ALG12: variants seen among roughly 807,000 people sequenced by gnomAD.
ALG12 encodes the protein ALG12 alpha-1,6-mannosyltransferase, also known as dol-P-Man:Man(7)GlcNAc(2)-PP-Dol alpha-1,6-mannosyltransferase.
Under a neutral mutation model 46.0 loss-of-function variants are expected in ALG12, and 36 were observed. That is an observed-to-expected ratio of 0.78 (90% CI 0.60 to 1.03). The LOEUF is 1.03. Among genes scored for constraint, ALG12 ranks in the 50% least tolerant of loss-of-function variants. ALG12 has a pLI of 0.00. For missense variants in ALG12, 599 were observed against 633.5 expected (o/e 0.95, Z 0.58); for synonymous variants, 326 against 291.6 (o/e 1.12, Z -1.20).
At position 49,903,948 on chromosome 22, in the gene ALG12, T is replaced by TGGCCAGGACCC; in HGVS notation, c.1346_1356dup (p.Ser453GlyfsTer12). The TGGCCAGGACCC allele has an allele frequency of 6.2e-7, 1 of 1,614,202 alleles. No individual in the cohort carries two copies. The highest frequency in any genetic ancestry group is 8.5e-7 in the Non-Finnish European group (1 of 1,180,008). ...CTCACACCTGTGGTCCCCACGACGC[T>TGGCCAGGACCC]GGCCAGGACCCGGTGTGTGTCCCTG... On this transcript the variant is annotated frameshift_variant, in exon 10 of 10. Transcript: ENST00000330817. LOFTEE classifies it low-confidence loss of function (END_TRUNC).
chr22:49,862,507 T>G, the ALG12 span, among the ~76,000 whole-genome samples: 6 of 152,116 alleles, frequency 3.9e-5, no homozygotes, highest in Non-Finnish European at 4.4e-5. Flanking sequence ...AGTCATATGA[T>G]AAGATGGACA....
At chr22:49,911,821 G>A (rs2060578257) in intron 3 of ALG12, among the ~76,000 whole-genome samples, 1 of 152,150 alleles carries the variant, frequency 6.6e-6, no homozygotes, top group Admixed American at 6.5e-5. Flanking sequence ...ATTTCCCCCG[G>A]GCTTTTAAAC....
chr22:49,897,802 CCCA>C (rs1225011760), downstream of ALG12, among the ~76,000 whole-genome samples: 1 of 146,342 alleles, frequency 6.8e-6, no homozygotes, highest in Non-Finnish European at 1.5e-5. Flanking sequence ...ACAACAGGTG[CCCA>C]CCACCACGCC....
chr22:49,894,919 G>A, the ALG12 span, among the ~76,000 whole-genome samples: 3 of 152,246 alleles, frequency 2.0e-5, no homozygotes, highest in Non-Finnish European at 1.5e-5. Context: ...CTGGGGGACA[G>A]CTGAGTGAGG....
At chr22:49,886,300 C>A in the ALG12 span, 2 of 1,531,526 alleles carry the variant, frequency 1.3e-6, no homozygotes, top group Non-Finnish European at 1.8e-6. This position sits in a 1 kb window ranked among gnomAD's most constrained non-coding sequence, Gnocchi z 7.7. Flanking sequence ...GTACGCGCTG[C>A]CTCAGCATCA....
At chr22:49,879,130 T>C in the ALG12 span, among the ~76,000 whole-genome samples, 1 of 144,938 alleles carries the variant, frequency 6.9e-6, no homozygotes, top group Non-Finnish European at 1.5e-5. Context: ...GGCCACAGAG[T>C]GGGACTCCAT....
At chr22:49,892,584 T>C in the ALG12 span, among the ~76,000 whole-genome samples, 1 of 152,318 alleles carries the variant, frequency 6.6e-6, no homozygotes, top group Non-Finnish European at 1.5e-5. Context: ...TGAGACATCT[T>C]TGGGCAAGGG....
In ALG12 at chr22:49,907,877, A is replaced by T; in HGVS notation, c.836T>A (p.Ile279Asn). The T allele has an allele frequency of 3.1e-6, 5 of 1,613,748 alleles. No homozygotes were observed. Among genetic ancestry groups the T allele is most frequent in the Non-Finnish European group, 4.2e-6 (5 of 1,180,012 alleles). Reference protein sequence around the residue: ...PRGLGCSLLFIPLGLVDRRTH... With the variant: ...PRGLGCSLLFNPLGLVDRRTH... The stretch of plus-strand genomic sequence containing the variant: ...CCTTCTGTCTACCAAGCCCAGGGGG[A>T]TGAAGAGCAGGCTGCAGCCCAGGCC... The change falls in exon 7 of 10, where the codon ATC becomes AAC. Residue 279 changes from isoleucine (I) to asparagine (N), a missense_variant. Ile to Asn is a moderately radical substitution (Grantham distance 149). Coordinates refer to ENST00000330817, the MANE Select transcript of ALG12 (RefSeq NM_024105.4).
chr22:49,860,181 TC>T, the ALG12 span, among the ~76,000 whole-genome samples: 1 of 152,196 alleles, frequency 6.6e-6, no homozygotes, highest in African/African-American at 2.4e-5. Flanking sequence ...TGCCTGGAGT[TC>T]CAGCTACTCA....
chr22:49,867,480 C>T, the ALG12 span, among the ~76,000 whole-genome samples: 1 of 152,200 alleles, frequency 6.6e-6, no homozygotes. Context: ...TTCTGGGTGG[C>T]CTGGTAGGCC....
chr22:49,909,135 G>A (rs1027227462), intron 6 of ALG12, 109 bp downstream of exon 6: 16 of 1,200,968 alleles, frequency 1.3e-5, no homozygotes, highest in Admixed American at 6.8e-5. Context: ...TGACCCTGCA[G>A]CCACGCTGCA....
intron 1 of ALG12, among the ~76,000 whole-genome samples, chr22:49,914,183 C>A (rs1460294078): frequency 6.6e-6 from 1 of 152,190 alleles, no homozygotes; most frequent in East Asian, 1.9e-4. Context: ...GGAGAGTCAG[C>A]AAAACCCAGG....
the ALG12 span, chr22:49,883,581 A>T: frequency 2.1e-6 from 3 of 1,433,548 alleles, no homozygotes; most frequent in Non-Finnish European, 2.8e-6. Context: ...AAGTGAAGAT[A>T]ATCTACATTC....
At chr22:49,874,767 C>T in the ALG12 span, among the ~76,000 whole-genome samples, 1 of 147,838 alleles carries the variant, frequency 6.8e-6, no homozygotes, top group Non-Finnish European at 1.5e-5. Context: ...GCACCTCGAC[C>T]TCCCGTCCAG....
In ALG12 at chr22:49,902,933, G is replaced by C. The variant is rs946784075; in HGVS notation, c.*905C>G. On this transcript the variant is annotated 3_prime_UTR_variant, in exon 10 of 10. Transcript: ENST00000330817. The stretch of plus-strand genomic sequence containing the variant: ...ATGCATGGTGTGTGCACGTGTGCAC[G>C]GTGTGTGGTGTGTATGCATGGTGTG... 4 of 229,556 alleles carry C rather than the reference G, an allele frequency of 1.7e-5. No homozygotes were observed. In the Admixed American group the frequency reaches 2.5e-4, roughly 14 times the overall value. 14.2% of individuals were successfully genotyped at this position (229,556 alleles called of 1,614,324 possible).
At chr22:49,867,161 G>A in the ALG12 span, among the ~76,000 whole-genome samples, 8 of 152,154 alleles carry the variant, frequency 5.3e-5, no homozygotes, top group South Asian at 6.2e-4. Context: ...TTTTTCACCC[G>A]TGAGTTATTT....
In ALG12 at chr22:49,906,292, C is replaced by A. The variant is rs1235724659; in HGVS notation, c.992+1429G>T. Among the ~76,000 whole-genome samples the A allele has an allele frequency of 1.3e-5, 2 of 152,224 alleles. No homozygotes were observed. The highest frequency in any genetic ancestry group is 2.4e-5 in the African/African-American group (1 of 41,462). On this transcript the variant is annotated intron_variant, in intron 7 of 9. Transcript: ENST00000330817. This position sits in a 1 kb window ranked among gnomAD's most constrained non-coding sequence, Gnocchi z 4.4. ...GCGCCGCTCTCCCCGTCTTTCCTAC[C>A]CTCTTTTCCATGACTCTGGCTGGGG... is the stretch of plus-strand genomic sequence containing the variant.
chr22:49,918,060 G>GGA (rs2060628902), intron 1 of ALG12: 2 of 100,552 alleles, frequency 2.0e-5, no homozygotes, highest in South Asian at 3.5e-4. Flanking sequence ...CCAGGTGACA[G>GGA]GTCCAGCCCC....
intron 1 of ALG12, among the ~76,000 whole-genome samples, chr22:49,917,600 G>A (rs1440302742): frequency 2.6e-5 from 4 of 152,122 alleles, no homozygotes; most frequent in African/African-American, 4.8e-5. Context: ...CCTGGAAGGC[G>A]GAGCTTGCAG....
Sources: gnomAD v4.1 joint callset for allele counts (sites outside exome capture counted in the v4.1 genomes callset) on GRCh38, gnomAD v4.1.1 for gene constraint, Gnocchi (gnomAD v3.1) non-coding constraint, MANE v1.5 for transcripts, NCBI Gene and HGNC (gene_info 2026-07-23, HGNC 2026-07-21) for gene names.